Variants in DCC observed in about 807,000 individuals in gnomAD.
The protein encoded by DCC is netrin receptor DCC.
A neutral mutation model predicts 172.5 loss-of-function variants in DCC; 58 were observed. The observed-to-expected ratio is 0.34, with a 90% CI of 0.27 to 0.42. The LOEUF (loss-of-function observed/expected upper bound fraction) is 0.42. DCC is among the 10% of genes least tolerant of loss of function. The pLI, the probability that DCC is intolerant of heterozygous loss-of-function variation, is 1.00. For synonymous variants in DCC, 709 were observed against 644.5 expected (o/e 1.10, Z -1.52); for missense variants, 1,740 against 1,791.0 (o/e 0.97, Z 0.51).
intron 2 of DCC, among the ~76,000 whole-genome samples, chr18:52,830,518 G>A (rs919064198): frequency 4.6e-5 from 7 of 152,160 alleles, no homozygotes; most frequent in African/African-American, 1.4e-4. Flanking sequence ...GGCAGAAGCA[G>A]CAGGCATGTT....
At chr18:53,304,634 T>G (rs12969934) in intron 12 of DCC, among the ~76,000 whole-genome samples, 21,362 of 152,042 alleles carry the variant, frequency 0.14, 2,187 homozygotes, top group African/African-American at 0.28. Context: ...AGTAGCCTGG[T>G]TTTACTGGGT....
intron 1 of DCC, among the ~76,000 whole-genome samples, chr18:52,510,931 G>T (rs980981194): frequency 2.0e-5 from 3 of 152,266 alleles, no homozygotes; most frequent in African/African-American, 2.4e-5. Flanking sequence ...GTGAAAAAAA[G>T]CTAGAAGAGG....
intron 2 of DCC, among the ~76,000 whole-genome samples, chr18:52,891,109 T>C (rs577028754): frequency 5.3e-5 from 8 of 152,220 alleles, no homozygotes; most frequent in African/African-American, 1.9e-4. Flanking sequence ...AATTTCATGT[T>C]CAAATTAATG....
At chr18:53,450,453 T>C (rs371789031) in intron 22 of DCC, 47 bp from the exon 23 acceptor site, 155 of 1,607,706 alleles carry the variant, frequency 9.6e-5, no homozygotes, top group Non-Finnish European at 1.3e-4. Flanking sequence ...GTAAAACTTC[T>C]GCCACATCTT....
intron 21 of DCC, among the ~76,000 whole-genome samples, chr18:53,419,549 T>C (rs1910515930): frequency 6.6e-6 from 1 of 152,158 alleles, no homozygotes; most frequent in East Asian, 1.9e-4. Flanking sequence ...TCCCTTTTTT[T>C]CTATATTCTG....
intron 9 of DCC, among the ~76,000 whole-genome samples, chr18:53,184,598 G>T (rs1488123560): frequency 2.6e-5 from 4 of 152,092 alleles, no homozygotes; most frequent in Admixed American, 2.0e-4. Context: ...TTATAACACA[G>T]TGGTATATGT....
intron 1 of DCC, among the ~76,000 whole-genome samples, chr18:52,746,337 A>G (rs954537603): frequency 5.3e-5 from 8 of 152,184 alleles, no homozygotes; most frequent in African/African-American, 1.7e-4. Context: ...AGCAAGTTCT[A>G]TGGGGATTTG....
chr18:53,125,081 C>T (rs2043536411), intron 7 of DCC, among the ~76,000 whole-genome samples: 1 of 151,772 alleles, frequency 6.6e-6, no homozygotes, highest in South Asian at 2.1e-4. Flanking sequence ...TTTTTTAAAC[C>T]TAGAAATTTG....
At chr18:52,981,537 G>T (rs557059441) in intron 5 of DCC, among the ~76,000 whole-genome samples, 2 of 151,956 alleles carry the variant, frequency 1.3e-5, no homozygotes, top group South Asian at 2.1e-4. Context: ...AAAAAAAATT[G>T]TCCTTTGAAA....
chr18:52,611,413 ACTC>A (rs1274580749), intron 1 of DCC, among the ~76,000 whole-genome samples: 3 of 152,104 alleles, frequency 2.0e-5, no homozygotes, highest in Admixed American at 2.0e-4. Context: ...GTTTTTCAGT[ACTC>A]CGAGAGGCAG....
intron 2 of DCC, among the ~76,000 whole-genome samples, chr18:52,822,690 C>CT (rs1228606350): frequency 6.6e-6 from 1 of 152,186 alleles, no homozygotes; most frequent in Non-Finnish European, 1.5e-5. Flanking sequence ...CCACATGGCA[C>CT]TTCTTTATCT....
Position 53,522,497 on chromosome 18 carries a change from C to A in DCC, c.4112-4120C>A, listed in dbSNP as rs541443225. 2.6e-4 allele frequency among the ~76,000 whole-genome samples: 39 copies of A among 152,256 alleles called. No individual in the cohort carries two copies. In the Middle Eastern group the frequency reaches 0.01, roughly 40 times the overall value. ...GCAAAAAGAACAAAGCTGAAAGCATCATGCTACCTGACTGCAAACTATACT... is the reference window on the plus strand; with the variant it reads ...GCAAAAAGAACAAAGCTGAAAGCATAATGCTACCTGACTGCAAACTATACT... On this transcript the variant is annotated intron_variant, in intron 27 of 28. Coordinates refer to ENST00000442544, the MANE Select transcript of DCC (RefSeq NM_005215.4).
chr18:52,419,540 G>A (rs983692502), intron 1 of DCC: 1 of 152,076 alleles, frequency 6.6e-6, no homozygotes, highest in Non-Finnish European at 1.5e-5. Context: ...ATGTGCACCT[G>A]GTGAAATAAA....
At chr18:52,547,857 A>T (rs929196282) in intron 1 of DCC, among the ~76,000 whole-genome samples, 11 of 152,284 alleles carry the variant, frequency 7.2e-5, no homozygotes, top group Non-Finnish European at 1.2e-4. Context: ...TCTTCAGGTT[A>T]TACCATCTCT....
Position 52,911,897 on chromosome 18 carries a change from A to G in DCC, c.697+5569A>G, listed in dbSNP as rs538870550. Among the ~76,000 whole-genome samples, 6 of 152,076 alleles carry G rather than the reference A, an allele frequency of 3.9e-5. No homozygotes were observed. The South Asian group carries it at 1.2e-3, about 32-fold the overall frequency. On this transcript the variant is annotated intron_variant, in intron 3 of 28. Transcript: ENST00000442544. ...CTTGTGCTCCTCTCATATATACTGG[A>G]AAAAAATGAAGTATATGATCTTATT... is the stretch of plus-strand genomic sequence containing the variant.
chr18:52,942,093 T>TTTTCTGAG (rs2040473209), intron 5 of DCC, among the ~76,000 whole-genome samples: 1 of 152,200 alleles, frequency 6.6e-6, no homozygotes, highest in Non-Finnish European at 1.5e-5. Context: ...CATTTTCTGA[T>TTTTCTGAG]TTTTAAAAGT....
chr18:53,018,502 G>A (rs186331170), intron 5 of DCC, among the ~76,000 whole-genome samples: 7 of 152,078 alleles, frequency 4.6e-5, no homozygotes, highest in Admixed American at 4.6e-4. Context: ...ACTTTTGATT[G>A]GATTGCTTCA....
At chr18:53,303,857 A>G (rs1427229940) in intron 12 of DCC, among the ~76,000 whole-genome samples, 1 of 152,178 alleles carries the variant, frequency 6.6e-6, no homozygotes, top group Non-Finnish European at 1.5e-5. Context: ...TCCAGGAAGA[A>G]TCAGGTCACA....
At chr18:53,165,468 A>G (rs4940244) in intron 8 of DCC, among the ~76,000 whole-genome samples, 61,454 of 151,974 alleles carry the variant, frequency 0.4, 13,368 homozygotes, top group East Asian at 0.71. Context: ...CCATGAGGGA[A>G]CATATTGTGA....
Sources: gnomAD v4.1 joint callset for allele counts (sites outside exome capture counted in the v4.1 genomes callset) on GRCh38, gnomAD v4.1.1 for gene constraint, MANE v1.5 for transcripts, NCBI Gene and HGNC (gene_info 2026-07-23, HGNC 2026-07-21) for gene names.